The following ADGRF3 variants were observed in gnomAD, a reference collection of about 807,000 sequenced individuals.
ADGRF3 encodes G protein-coupled receptor 113.
Under a neutral mutation model 93.2 loss-of-function variants are expected in ADGRF3, and 85 were observed. The ratio of observed to expected loss-of-function variants is 0.91; its 90% CI spans 0.77 to 1.09. ADGRF3 has a LOEUF of 1.09. Among genes scored for constraint, ADGRF3 ranks in the 50% least tolerant of loss-of-function variants. ADGRF3 has a pLI of 0.00. For missense variants in ADGRF3, 1,125 were observed against 1,246.2 expected, an observed-to-expected ratio of 0.90 and a Z score of 1.46; for synonymous variants, 534 against 532.5, an observed-to-expected ratio of 1.00 and a Z score of -0.04.
In ADGRF3 at chr2:26,308,961, C is replaced by A; in HGVS notation, c.*125G>T. ...TGAGTGTCACTAAGGGAAATATAAG[C>A]CTGCCTTTCTCAAGGGCTGAGCTCC... On this transcript the variant is annotated 3_prime_UTR_variant, in exon 14 of 14. Transcript: ENST00000651242. 7.8e-7 allele frequency: 1 copy of A among 1,275,652 alleles called. No homozygotes were observed. The highest frequency in any genetic ancestry group is 1.1e-6 in the Non-Finnish European group (1 of 880,984). The allele number at this position is 1,275,652 out of a possible 1,614,324, so 79.0% of individuals were successfully genotyped here.
At chr2:26,316,562 C>G (rs1488326508) in intron 3 of ADGRF3, 114 bp from the exon 4 acceptor site, 1 of 1,099,728 alleles carries the variant, frequency 9.1e-7, no homozygotes, top group Non-Finnish European at 1.3e-6. Flanking sequence ...TGGACCAATC[C>G]CCAAGCTACA....
chr2:26,321,377 TA>T (rs1475330219), intron 1 of ADGRF3, among the ~76,000 whole-genome samples: 1 of 152,166 alleles, frequency 6.6e-6, no homozygotes, highest in Non-Finnish European at 1.5e-5. Flanking sequence ...GTTGCAGCTA[TA>T]GGCAGTCTCA....
At chr2:26,339,560 T>C (rs1676255396) in intron 1 of ADGRF3, among the ~76,000 whole-genome samples, 1 of 152,158 alleles carries the variant, frequency 6.6e-6, no homozygotes, top group Admixed American at 6.6e-5. Context: ...TAATGTATAT[T>C]TTTTTCTTTC....
intron 5 of ADGRF3, 87 bp downstream of exon 5, chr2:26,315,435 G>T: frequency 7.4e-7 from 1 of 1,359,384 alleles, no homozygotes; most frequent in Non-Finnish European, 1.0e-6. Context: ...GTGGGAAGAA[G>T]AGGTGAAGGA....
chr2:26,323,532 G>A (rs1016767171), intron 1 of ADGRF3, among the ~76,000 whole-genome samples: 1 of 151,994 alleles, frequency 6.6e-6, no homozygotes, highest in African/African-American at 2.4e-5. Context: ...AAAGTCCTGG[G>A]CCAAAGTGAT....
chr2:26,341,690 G>GTC (rs966380301), intron 1 of ADGRF3, among the ~76,000 whole-genome samples: 7 of 152,054 alleles, frequency 4.6e-5, no homozygotes, highest in Admixed American at 6.6e-5. Flanking sequence ...TAGAGACAGG[G>GTC]TCTCCCTATG....
chr2:26,319,043 A>G, intron 1 of ADGRF3: 1 of 1,550,286 alleles, frequency 6.5e-7, no homozygotes, highest in Non-Finnish European at 8.7e-7. Flanking sequence ...GCAGCCGAAC[A>G]GACCATGGCT....
chr2:26,328,199 T>A (rs1052580238), intron 1 of ADGRF3, among the ~76,000 whole-genome samples: 7 of 152,230 alleles, frequency 4.6e-5, no homozygotes, highest in Admixed American at 1.3e-4. Flanking sequence ...CACAGCCATA[T>A]AACTCATTGA....
intron 1 of ADGRF3, among the ~76,000 whole-genome samples, chr2:26,318,437 A>G (rs996785362): frequency 6.6e-6 from 1 of 152,136 alleles, no homozygotes; most frequent in African/African-American, 2.4e-5. Flanking sequence ...TAAAAAAGAT[A>G]TAGATATAGA....
rs71399385 is a variant in ADGRF3 at position 26,336,315 on chromosome 2, A to AGTGT, written c.114+9802_114+9805dup. Among the ~76,000 whole-genome samples the AGTGT allele has an allele frequency of 2.4e-4, 35 of 148,674 alleles. 1 individual carries two copies. In the South Asian group the frequency reaches 5.2e-3, roughly 22 times the overall value. ...AATCCTGCATTCTGGGGAGATCAAG[A>AGTGT]GTGTGTGTGTGTGTGTGTGTGAGTG... On this transcript the variant is annotated intron_variant, in intron 1 of 13. Coordinates refer to ENST00000651242, the MANE Select transcript of ADGRF3 (RefSeq NM_001321971.2).
chr2:26,322,747 T>C (rs1675223262), intron 1 of ADGRF3, among the ~76,000 whole-genome samples: 1 of 152,142 alleles, frequency 6.6e-6, no homozygotes, highest in Admixed American at 6.5e-5. Context: ...ACATAAACGG[T>C]GATTTTAATT....
At chr2:26,313,147 G>A in intron 8 of ADGRF3, 25 bp from the exon 9 acceptor site, 1 of 1,612,470 alleles carries the variant, frequency 6.2e-7, no homozygotes, top group Non-Finnish European at 8.5e-7. Flanking sequence ...ACAGCATGAA[G>A]TGGGACACAT....
chr2:26,324,862 T>A (rs1675358684), intron 1 of ADGRF3, among the ~76,000 whole-genome samples: 1 of 152,222 alleles, frequency 6.6e-6, no homozygotes, highest in African/African-American at 2.4e-5. Context: ...CTGGGTAGAA[T>A]AGTATTTCTG....
chr2:26,345,064 A>G (rs1181354202), intron 1 of ADGRF3, among the ~76,000 whole-genome samples: 2 of 152,226 alleles, frequency 1.3e-5, no homozygotes, highest in South Asian at 2.1e-4. Context: ...GTGGTTTCCC[A>G]TAACACAGAA....
At chr2:26,336,722 TAAAAAAAAAAAAAAA>T (rs57691864) in intron 1 of ADGRF3, among the ~76,000 whole-genome samples, 5 of 22,088 alleles carry the variant, frequency 2.3e-4, no homozygotes, top group Admixed American at 2.2e-3. Flanking sequence ...TGAGACTCCA[TAAAAAAAAAAAAAAA>T]AAAAAAAAAA....
intron 1 of ADGRF3, among the ~76,000 whole-genome samples, chr2:26,320,907 G>C (rs563953220): frequency 6.6e-6 from 1 of 152,212 alleles, no homozygotes; most frequent in Non-Finnish European, 1.5e-5. Context: ...TAAACAAAAG[G>C]AATCTATTTA....
At chr2:26,324,608 A>G (rs1042299782) in intron 1 of ADGRF3, among the ~76,000 whole-genome samples, 1 of 152,212 alleles carries the variant, frequency 6.6e-6, no homozygotes, top group Non-Finnish European at 1.5e-5. Context: ...TTTGCTAAGG[A>G]TAATGGCCTC....
At chr2:26,328,668 G>A (rs1428238860) in intron 1 of ADGRF3, among the ~76,000 whole-genome samples, 1 of 152,078 alleles carries the variant, frequency 6.6e-6, no homozygotes, top group East Asian at 1.9e-4. Flanking sequence ...TAGCCAAGAT[G>A]GTCTCGATTT....
chr2:26,333,543 A>G (rs928261884), intron 1 of ADGRF3, among the ~76,000 whole-genome samples: 3 of 150,278 alleles, frequency 2.0e-5, no homozygotes, highest in African/African-American at 7.4e-5. Context: ...AAAAGACCTT[A>G]CATTTTGAAG....
Sources: gnomAD v4.1 joint callset for allele counts (sites outside exome capture counted in the v4.1 genomes callset) on GRCh38, gnomAD v4.1.1 for gene constraint, MANE v1.5 for transcripts, NCBI Gene and HGNC (gene_info 2026-07-23, HGNC 2026-07-21) for gene names.